Variants in FAM120A observed in about 807,000 individuals in gnomAD.
FAM120A encodes constitutive coactivator of PPAR-gamma-like protein 1.
In FAM120A, 15 loss-of-function variants were observed where a neutral mutation model predicts 109.7. The observed-to-expected ratio is 0.14, with a 90% CI of 0.09 to 0.21. FAM120A has a LOEUF of 0.21. FAM120A is among the 10% of genes least tolerant of loss of function. FAM120A has a pLI of 1.00. For synonymous variants in FAM120A, 493 were observed against 572.8 expected (o/e 0.86, Z 1.99); for missense variants, 899 against 1,439.3 (o/e 0.62, Z 6.07).
chr9:93,530,390 G>T (rs1588887271), intron 9 of FAM120A: 1 of 152,080 alleles, frequency 6.6e-6, no homozygotes, highest in African/African-American at 2.4e-5. Flanking sequence ...ATACCTATAT[G>T]ACCATATATA....
intron 9 of FAM120A, 168 bp downstream of exon 9, chr9:93,529,748 T>A: frequency 1.5e-6 from 1 of 673,582 alleles, no homozygotes; most frequent in Non-Finnish European, 2.7e-6. Context: ...TGAACATTTA[T>A]AACTGTAAAT....
chr9:93,516,386 G>A (rs1425662013), intron 7 of FAM120A, 117 bp downstream of exon 7: 4 of 1,445,048 alleles, frequency 2.8e-6, no homozygotes, highest in African/African-American at 2.8e-5. Context: ...TTGCAGGTGG[G>A]TGATGGTCAG....
At chr9:93,541,736 G>A (rs528122548) in intron 10 of FAM120A, among the ~76,000 whole-genome samples, 2 of 152,230 alleles carry the variant, frequency 1.3e-5, no homozygotes, top group South Asian at 4.2e-4. Context: ...AGCTCTGCCC[G>A]GCAGGCTTCA....
intron 1 of FAM120A, among the ~76,000 whole-genome samples, chr9:93,454,183 A>G (rs1857441624): frequency 6.6e-6 from 1 of 152,232 alleles, no homozygotes; most frequent in African/African-American, 2.4e-5. Context: ...GTTTCTGGAC[A>G]CGGGATAATG....
intron 10 of FAM120A, among the ~76,000 whole-genome samples, chr9:93,535,955 C>A (rs1369161985): frequency 6.6e-6 from 1 of 152,174 alleles, no homozygotes; most frequent in Non-Finnish European, 1.5e-5. Flanking sequence ...AATACTGACC[C>A]TGCTCAGGCC....
At position 93,452,359 on chromosome 9, in the gene FAM120A, C is replaced by G; in HGVS notation, c.444C>G (p.Ile148Met). 6.2e-7 allele frequency: 1 copy of G among 1,611,434 alleles called. No homozygotes were observed. Among genetic ancestry groups the G allele is most frequent in the Non-Finnish European group, 8.5e-7 (1 of 1,179,328 alleles). ...CGCCCGTCTGCATGGCCCACTGCAT[C>G]CGCCTGGCGCTCATCCGCTTCCACG... ...FLPPVCMAHC[I>M]RLALIRFHVK... The change falls in exon 1 of 18, where the codon ATC becomes ATG. Residue 148 changes from isoleucine (I) to methionine (M), a missense_variant. This residue lies in a region of FAM120A where 258 missense variants were observed against 451.4 expected (regional missense o/e 0.57). Transcript: ENST00000277165. This position sits in a 1 kb window ranked among gnomAD's most constrained non-coding sequence, Gnocchi z 7.0.
chr9:93,513,718 T>TG (rs35142623), intron 5 of FAM120A, among the ~76,000 whole-genome samples: 1 of 152,142 alleles, frequency 6.6e-6, no homozygotes, highest in Non-Finnish European at 1.5e-5. Context: ...GGTCGTTCTC[T>TG]GGGGGGAGTC....
intron 12 of FAM120A, among the ~76,000 whole-genome samples, chr9:93,554,357 C>T (rs1420785888): frequency 6.6e-6 from 1 of 152,122 alleles, no homozygotes; most frequent in African/African-American, 2.4e-5. Flanking sequence ...ATGTGATTGG[C>T]ACCAGCCCGT....
intron 12 of FAM120A, among the ~76,000 whole-genome samples, chr9:93,553,160 G>C (rs952826132): frequency 2.0e-5 from 3 of 152,116 alleles, no homozygotes; most frequent in Non-Finnish European, 4.4e-5. Context: ...TATTTTTTAA[G>C]CCCTTCTCCT....
intron 1 of FAM120A, among the ~76,000 whole-genome samples, chr9:93,456,099 A>G (rs931557085): frequency 1.4e-4 from 21 of 152,380 alleles, no homozygotes; most frequent in African/African-American, 4.8e-4. Flanking sequence ...AATGAAAATA[A>G]TAATACTTTG....
intron 16 of FAM120A, 127 bp downstream of exon 16, chr9:93,561,377 G>A: frequency 1.2e-6 from 1 of 846,850 alleles, no homozygotes; most frequent in Non-Finnish European, 1.8e-6. Flanking sequence ...AATATCATTT[G>A]TATTTAATTA....
intron 3 of FAM120A, among the ~76,000 whole-genome samples, chr9:93,492,553 G>T (rs561737089): frequency 6.6e-6 from 1 of 152,108 alleles, no homozygotes; most frequent in Non-Finnish European, 1.5e-5. Context: ...CTGACCCTAA[G>T]GATTAAAGAA....
rs140148628 is a variant in FAM120A at position 93,516,483 on chromosome 9, C to G, written c.1418+214C>G. Among the ~76,000 whole-genome samples the G allele has an allele frequency of 2.0e-4, 30 of 152,332 alleles. No homozygotes were observed. The East Asian group carries it at 5.8e-3, about 29-fold the overall frequency. On this transcript the variant is annotated intron_variant, in intron 7 of 17. Coordinates refer to ENST00000277165, the MANE Select transcript of FAM120A (RefSeq NM_014612.5). ...AAGTTTCCATGATTTAAAATCTGCA[C>G]TATCCCAGCCCCATGGCCTGGAGCC...
chr9:93,465,809 T>G (rs1251482375), intron 1 of FAM120A, among the ~76,000 whole-genome samples: 2 of 152,212 alleles, frequency 1.3e-5, no homozygotes, highest in Non-Finnish European at 2.9e-5. Context: ...GGGACCCTGG[T>G]CAGGACCTCT....
At chr9:93,546,471 C>T (rs542198937) in intron 11 of FAM120A, among the ~76,000 whole-genome samples, 2 of 152,292 alleles carry the variant, frequency 1.3e-5, no homozygotes, top group African/African-American at 4.8e-5. Context: ...CTCTTAATGC[C>T]GTCCCATCTG....
At chr9:93,503,390 TAATC>T (rs1342839329) in intron 5 of FAM120A, among the ~76,000 whole-genome samples, 1 of 152,092 alleles carries the variant, frequency 6.6e-6, no homozygotes, top group African/African-American at 2.4e-5. Context: ...AGCAATGAAA[TAATC>T]AACACTAAAA....
At chr9:93,453,858 G>A (rs1857420016) in intron 1 of FAM120A, among the ~76,000 whole-genome samples, 1 of 152,224 alleles carries the variant, frequency 6.6e-6, no homozygotes, top group African/African-American at 2.4e-5. Context: ...GTCTTGTTCA[G>A]AGATGGAAAA....
At chr9:93,499,486 C>T (rs1859710324) in intron 5 of FAM120A, among the ~76,000 whole-genome samples, 1 of 151,964 alleles carries the variant, frequency 6.6e-6, no homozygotes, top group Admixed American at 6.6e-5. Context: ...TGGGGTTTCA[C>T]CATGTTGGCC....
intron 1 of FAM120A, chr9:93,453,168 C>A: frequency 1.0e-6 from 1 of 1,002,414 alleles, no homozygotes; most frequent in African/African-American, 1.7e-5. Flanking sequence ...AGGGGGCGAA[C>A]TACGCGGGCG....
Sources: allele counts gnomAD v4.1 joint callset (sites outside exome capture counted in the v4.1 genomes callset), GRCh38; gene constraint gnomAD v4.1.1; regional missense constraint gnomAD v4.1.1; non-coding constraint Gnocchi (gnomAD v3.1); transcripts MANE v1.5; gene names NCBI Gene and HGNC (gene_info 2026-07-23, HGNC 2026-07-21).